The following FRMD5 variants were observed in gnomAD, a reference collection of about 807,000 sequenced individuals.
FRMD5 encodes the protein FERM domain containing 5, also known as FERM domain-containing protein 5.
In FRMD5, 20 loss-of-function variants were observed where a neutral mutation model predicts 69.0. The observed-to-expected ratio is 0.29, with a 90% CI of 0.20 to 0.42. The LOEUF (loss-of-function observed/expected upper bound fraction) is 0.42. FRMD5 is among the 10% of genes least tolerant of loss of function. The pLI is 1.00. For missense variants in FRMD5, 595 were observed against 708.6 expected (o/e 0.84, Z 1.82); for synonymous variants, 271 against 260.1 (o/e 1.04, Z -0.40).
At chr15:43,948,172 C>G (rs2089975615) in intron 1 of FRMD5, among the ~76,000 whole-genome samples, 1 of 152,180 alleles carries the variant, frequency 6.6e-6, no homozygotes, top group African/African-American at 2.4e-5. Flanking sequence ...GAATTGAACC[C>G]AAGCAGTTTA....
chr15:44,038,228 C>T (rs1023859292), intron 1 of FRMD5, among the ~76,000 whole-genome samples: 25 of 152,094 alleles, frequency 1.6e-4, no homozygotes, highest in African/African-American at 6.0e-4. Context: ...AATGTTCTCC[C>T]ATTCTGTAGG....
intron 1 of FRMD5, among the ~76,000 whole-genome samples, chr15:43,973,179 C>T (rs62023686): frequency 8.6e-5 from 13 of 151,938 alleles, no homozygotes; most frequent in African/African-American, 2.9e-4. Flanking sequence ...CCCGCCACCA[C>T]GCCTGGCTAA....
At chr15:44,122,870 G>A (rs546752947) in intron 1 of FRMD5, among the ~76,000 whole-genome samples, 2 of 149,718 alleles carry the variant, frequency 1.3e-5, no homozygotes, top group South Asian at 4.4e-4. Flanking sequence ...CAGCCTGGAC[G>A]ACAGAGCAAG....
At chr15:43,877,119 T>C (rs2088384187) in intron 13 of FRMD5, among the ~76,000 whole-genome samples, 1 of 152,160 alleles carries the variant, frequency 6.6e-6, no homozygotes, top group Non-Finnish European at 1.5e-5. Flanking sequence ...AGGCTCAATG[T>C]CTGCATTTTC....
At chr15:43,967,114 T>C (rs911510486) in intron 1 of FRMD5, among the ~76,000 whole-genome samples, 4 of 152,124 alleles carry the variant, frequency 2.6e-5, no homozygotes, top group Admixed American at 1.3e-4. Context: ...GATAGATGCA[T>C]AGTTCAATTA....
chr15:43,951,231 T>C (rs1188669538), intron 1 of FRMD5, among the ~76,000 whole-genome samples: 1 of 151,994 alleles, frequency 6.6e-6, no homozygotes, highest in East Asian at 1.9e-4. Flanking sequence ...CCATCCTGGC[T>C]AATACGGTGA....
rs180775755 is a variant in FRMD5 at position 43,939,640 on chromosome 15, C to A, written c.103-15331G>T. ...TGGCACAATCATGGCTCCCTGTAGC[C>A]TTGAACTCCTGAGCTCAATTGATCC... On this transcript the variant is annotated intron_variant, in intron 1 of 13. Transcript: ENST00000417257. 4.6e-5 allele frequency among the ~76,000 whole-genome samples: 7 copies of A among 152,242 alleles called. No individual in the cohort carries two copies. The East Asian group carries it at 1.4e-3, about 29-fold the overall frequency.
At chr15:43,958,764 A>C (rs1383344153) in intron 1 of FRMD5, among the ~76,000 whole-genome samples, 1 of 152,154 alleles carries the variant, frequency 6.6e-6, no homozygotes, top group Non-Finnish European at 1.5e-5. Context: ...TGCTTTTTAA[A>C]AGGAAGATTC....
chr15:44,005,078 T>C (rs1179506337), intron 1 of FRMD5, among the ~76,000 whole-genome samples: 1 of 152,184 alleles, frequency 6.6e-6, no homozygotes, highest in Non-Finnish European at 1.5e-5. Context: ...CTGTGAAGGC[T>C]GAGAGAGATA....
intron 1 of FRMD5, among the ~76,000 whole-genome samples, chr15:44,095,814 T>C (rs1215430177): frequency 2.0e-5 from 3 of 152,182 alleles, no homozygotes; most frequent in Admixed American, 2.0e-4. Context: ...TCCAACTGTA[T>C]GCTGCACTCA....
intron 6 of FRMD5, among the ~76,000 whole-genome samples, chr15:43,905,105 G>A (rs1244169122): frequency 6.7e-6 from 1 of 148,828 alleles, no homozygotes; most frequent in Admixed American, 6.7e-5. Flanking sequence ...GCAGAAGCCT[G>A]CCCTTTTTCA....
At chr15:44,045,750 TGTA>T (rs1332657430) in intron 1 of FRMD5, among the ~76,000 whole-genome samples, 2 of 152,024 alleles carry the variant, frequency 1.3e-5, no homozygotes, top group African/African-American at 4.8e-5. Context: ...AAAGGAGAAA[TGTA>T]GTATTTGTCA....
intron 1 of FRMD5, among the ~76,000 whole-genome samples, chr15:43,924,589 G>C (rs192776957): frequency 1.3e-5 from 2 of 152,334 alleles, no homozygotes; most frequent in Admixed American, 6.5e-5. Flanking sequence ...AATGCACAGA[G>C]AGCTTTCTTA....
At chr15:44,072,816 A>G (rs1893598952) in intron 1 of FRMD5, among the ~76,000 whole-genome samples, 1 of 152,178 alleles carries the variant, frequency 6.6e-6, no homozygotes, top group Non-Finnish European at 1.5e-5. Context: ...TCCATTATCT[A>G]TGTTTTATAC....
At chr15:43,977,547 G>T (rs1014348528) in intron 1 of FRMD5, among the ~76,000 whole-genome samples, 1 of 152,026 alleles carries the variant, frequency 6.6e-6, no homozygotes, top group Non-Finnish European at 1.5e-5. Context: ...AGCAACTGAG[G>T]TTACTCTTTC....
At chr15:44,086,993 C>T (rs1244330416) in intron 1 of FRMD5, among the ~76,000 whole-genome samples, 1 of 152,098 alleles carries the variant, frequency 6.6e-6, no homozygotes, top group African/African-American at 2.4e-5. Context: ...ATGGCTTTAT[C>T]TGTTAGAAAC....
chr15:43,881,329 C>T (rs1321618104), intron 13 of FRMD5, among the ~76,000 whole-genome samples: 1 of 152,168 alleles, frequency 6.6e-6, no homozygotes, highest in African/African-American at 2.4e-5. Context: ...CTGAGATGTA[C>T]ACCCCAAAAG....
chr15:44,128,304 AC>A (rs1381695218), intron 1 of FRMD5, among the ~76,000 whole-genome samples: 1 of 152,076 alleles, frequency 6.6e-6, no homozygotes, highest in Non-Finnish European at 1.5e-5. Flanking sequence ...ACATGGCGAA[AC>A]CCTGTCTCTA....
intron 4 of FRMD5, among the ~76,000 whole-genome samples, chr15:43,912,213 G>A (rs769159622): frequency 9.9e-5 from 15 of 152,098 alleles, no homozygotes; most frequent in Non-Finnish European, 2.2e-4. Context: ...CAGACCAAAG[G>A]GAAGGTGAGT....
Sources: gnomAD v4.1 joint callset for allele counts (sites outside exome capture counted in the v4.1 genomes callset) on GRCh38, gnomAD v4.1.1 for gene constraint, MANE v1.5 for transcripts, NCBI Gene and HGNC (gene_info 2026-07-23, HGNC 2026-07-21) for gene names.